The following ODR4 variants were observed in gnomAD, a reference collection of about 807,000 sequenced individuals.
ODR4 encodes the protein protein odr-4 homolog.
Under a neutral mutation model 60.2 loss-of-function variants are expected in ODR4, and 47 were observed. That is an observed-to-expected ratio of 0.78 (90% CI 0.62 to 1.00). The LOEUF (loss-of-function observed/expected upper bound fraction) is 1.00, where lower values mean the gene tolerates loss of function less well. Ranked by LOEUF, ODR4 falls within the 50% of genes least tolerant of loss-of-function variation. The pLI, the probability that ODR4 is intolerant of heterozygous loss-of-function variation, is 0.00. For missense variants in ODR4, 488 were observed against 530.8 expected (o/e 0.92, Z 0.79); for synonymous variants, 178 against 175.5 (o/e 1.01, Z -0.11).
chr1:186,426,265 A>C (rs1661878161), downstream of ODR4, among the ~76,000 whole-genome samples: 3 of 152,144 alleles, frequency 2.0e-5, no homozygotes, highest in South Asian at 6.2e-4. Context: ...CAACCTCAAA[A>C]CTTAGTGGCT....
the ODR4 span, among the ~76,000 whole-genome samples, chr1:186,433,585 A>T: frequency 5.3e-5 from 8 of 151,666 alleles, no homozygotes; most frequent in African/African-American, 1.9e-4. Flanking sequence ...TTATTATTTT[A>T]TTATTATTAT....
rs1292231132 is a variant in ODR4, at chr1:186,393,971, C to G, written c.736C>G (p.Gln246Glu). ...GAAAAAATCTTCTAGAGGAAATACT[C>G]AAGCAACTAGTCATTCTTTTGATGT... ...GQKKSSRGNT[Q>E]ATSHSFDVRV... Residue 246 changes from glutamine (Q) to glutamate (E), a missense_variant, in exon 9 of 14, where the codon CAA (glutamine) becomes GAA (glutamate). Physicochemically the swap from Gln to Glu is conservative, Grantham distance 29 (BLOSUM62 2). Transcript: ENST00000287859. 4.6e-6 allele frequency: 7 copies of G among 1,523,556 alleles called. No individual in the cohort carries two copies. Among genetic ancestry groups the G allele is most frequent in the Non-Finnish European group, 6.2e-6 (7 of 1,124,524 alleles). The allele number at this position is 1,523,556 out of a possible 1,614,324, so 94.4% of individuals were successfully genotyped here.
At chr1:186,382,768 A>G (rs1436689612) in intron 2 of ODR4, among the ~76,000 whole-genome samples, 1 of 152,220 alleles carries the variant, frequency 6.6e-6, no homozygotes, top group Non-Finnish European at 1.5e-5. Flanking sequence ...TTTACATTTG[A>G]GTTGTCCAAA....
chr1:186,402,238 T>TCTTTCTTTC (rs1558085293), intron 11 of ODR4, among the ~76,000 whole-genome samples: 5 of 145,568 alleles, frequency 3.4e-5, no homozygotes, highest in African/African-American at 7.6e-5. Flanking sequence ...TTCTTTCCTT[T>TCTTTCTTTC]CTTTCTTTCT....
Position 186,401,217 on chromosome 1 carries a change from C to T in ODR4, c.1000+2173C>T, listed in dbSNP as rs777559379. The stretch of plus-strand genomic sequence containing the variant: ...ATGTTCAATTAGTAAAATTAATGGC[C>T]CCTAACAGCAGTTGTACTGTTTGTA... On this transcript the variant is annotated intron_variant, in intron 11 of 13. Transcript: ENST00000287859. The T allele has an allele frequency of 5.9e-6, 9 of 1,519,436 alleles. No homozygotes were observed. The African/African-American group carries it at 1.2e-4, about 21-fold the overall frequency. The allele number at this position is 1,519,436 out of a possible 1,614,324, so 94.1% of individuals were successfully genotyped here.
intron 11 of ODR4, chr1:186,400,767 G>A: frequency 1.4e-5 from 4 of 294,026 alleles, no homozygotes; most frequent in Non-Finnish European, 2.5e-5. Flanking sequence ...TATCCTTCTC[G>A]TAATTCACAA....
At position 186,419,000 on chromosome 1, in the gene ODR4, T is replaced by G; in HGVS notation, c.1298-9T>G. ...ATTTTCATTTGTTCTGTGTTTGTTT[T>G]ACTTTTAGGTGTGATTGCAGCATTT... On this transcript the variant is annotated splice_polypyrimidine_tract_variant and intron_variant, in intron 13 of 13. Coordinates refer to ENST00000287859, the MANE Select transcript of ODR4 (RefSeq NM_017847.6). The G allele has an allele frequency of 6.2e-7, 1 of 1,600,238 alleles. No individual in the cohort carries two copies. Among genetic ancestry groups the G allele is most frequent in the African/African-American group, 1.3e-5 (1 of 74,986 alleles).
intron 2 of ODR4, among the ~76,000 whole-genome samples, chr1:186,381,725 G>A (rs1305897355): frequency 2.6e-5 from 4 of 152,134 alleles, no homozygotes; most frequent in East Asian, 1.9e-4. Flanking sequence ...TTCTTCCAGA[G>A]TTCATTACTT....
At chr1:186,379,343 C>T (rs1193723327) in intron 1 of ODR4, among the ~76,000 whole-genome samples, 2 of 150,306 alleles carry the variant, frequency 1.3e-5, no homozygotes, top group East Asian at 2.0e-4. Flanking sequence ...CTCAGGAGGC[C>T]GAGGCAGGAG....
chr1:186,419,343 A>G lies in ODR4; in HGVS notation c.*267A>G. ...ACAAATCATTATTATCTATTTTTAAAAGCTTCAAAATGATGGGATATGATC... is the reference window on the plus strand; with the variant it reads ...ACAAATCATTATTATCTATTTTTAAGAGCTTCAAAATGATGGGATATGATC... On this transcript the variant is annotated 3_prime_UTR_variant, in exon 14 of 14. Coordinates refer to ENST00000287859, the MANE Select transcript of ODR4 (RefSeq NM_017847.6). The G allele has an allele frequency of 2.3e-6, 1 of 441,702 alleles. No homozygotes were observed. The highest frequency in any genetic ancestry group is 2.7e-5 in the South Asian group (1 of 36,606). The allele number at this position is 441,702 out of a possible 1,614,324, so 27.4% of individuals were successfully genotyped here.
At chr1:186,388,053 T>C (rs922461682) in intron 4 of ODR4, among the ~76,000 whole-genome samples, 1 of 152,244 alleles carries the variant, frequency 6.6e-6, no homozygotes, top group African/African-American at 2.4e-5. Flanking sequence ...ATATAAATTC[T>C]AGTTGCCCCA....
intron 2 of ODR4, among the ~76,000 whole-genome samples, chr1:186,382,110 A>T (rs1391517247): frequency 6.6e-6 from 1 of 152,142 alleles, no homozygotes; most frequent in East Asian, 1.9e-4. Context: ...AACTGATATT[A>T]CAGCTGAAGA....
At chr1:186,425,325 TA>T (rs2102111059), downstream of ODR4, among the ~76,000 whole-genome samples, 2 of 152,218 alleles carry the variant, frequency 1.3e-5, no homozygotes, top group South Asian at 4.1e-4. Context: ...CACTCTTGTT[TA>T]AAAAAGAGGA....
At chr1:186,391,104 CTTATTATGTGCTGATTAAGTA>C (rs1386045620) in intron 7 of ODR4, among the ~76,000 whole-genome samples, 1 of 151,954 alleles carries the variant, frequency 6.6e-6, no homozygotes, top group Non-Finnish European at 1.5e-5. Flanking sequence ...TATACTAGTA[CTTATTATGTGCTGATTAAGTA>C]TTATTATGTG....
Position 186,379,668 on chromosome 1 carries a change from T to C in ODR4, c.-19-99T>C, listed in dbSNP as rs976620327. 3.3e-5 allele frequency: 21 copies of C among 643,724 alleles called. 1 individual carries two copies. The highest frequency in any genetic ancestry group is 2.6e-4 in the South Asian group (12 of 46,958). 39.9% of individuals were successfully genotyped at this position (643,724 alleles called of 1,614,324 possible). The stretch of plus-strand genomic sequence containing the variant: ...ATTTGCTGCAAGGCATGAGATAGCC[T>C]CAGGATAGTATCACTTCTCTTGCTA... On this transcript the variant is annotated intron_variant, in intron 1 of 13. Transcript: ENST00000287859.
chr1:186,396,033 T>G (rs980553464), intron 9 of ODR4, among the ~76,000 whole-genome samples: 2 of 152,180 alleles, frequency 1.3e-5, no homozygotes, highest in Non-Finnish European at 2.9e-5. Flanking sequence ...ATGTATCATG[T>G]CTTTGCTCTT....
chr1:186,426,539 G>A, the ODR4 span, among the ~76,000 whole-genome samples: 4 of 152,154 alleles, frequency 2.6e-5, no homozygotes, highest in African/African-American at 9.7e-5. Flanking sequence ...TGAAAGATGT[G>A]GAAACTGTTC....
At chr1:186,389,857 A>C (rs1046693011) in intron 6 of ODR4, among the ~76,000 whole-genome samples, 1 of 152,216 alleles carries the variant, frequency 6.6e-6, no homozygotes, top group Non-Finnish European at 1.5e-5. Flanking sequence ...ATGCAGTCAT[A>C]GCTCACTGCA....
chr1:186,392,467 C>T (rs1398584464), intron 8 of ODR4, among the ~76,000 whole-genome samples: 2 of 152,112 alleles, frequency 1.3e-5, no homozygotes, highest in South Asian at 4.1e-4. Flanking sequence ...TAAAACAGAA[C>T]GAGATCATGT....
Sources: gnomAD v4.1 joint callset for allele counts (sites outside exome capture counted in the v4.1 genomes callset) on GRCh38, gnomAD v4.1.1 for gene constraint, MANE v1.5 for transcripts, NCBI Gene and HGNC (gene_info 2026-07-23, HGNC 2026-07-21) for gene names.